ADGRF5: variants seen among roughly 807,000 people sequenced by gnomAD.
The protein encoded by ADGRF5 is G-protein coupled receptor 116.
Under a neutral mutation model 132.3 loss-of-function variants are expected in ADGRF5, and 75 were observed. The observed-to-expected ratio is 0.57, with a 90% CI of 0.47 to 0.69. ADGRF5 has a LOEUF of 0.69. Ranked by LOEUF, ADGRF5 falls within the 30% of genes least tolerant of loss-of-function variation. ADGRF5 has a pLI of 0.00. For synonymous variants in ADGRF5, 629 were observed against 597.6 expected, an observed-to-expected ratio of 1.05 and a Z score of -0.77; for missense variants, 1,516 against 1,630.6, an observed-to-expected ratio of 0.93 and a Z score of 1.21.
chr6:46,939,217 C>T (rs1324009125), intron 1 of ADGRF5, among the ~76,000 whole-genome samples: 1 of 152,176 alleles, frequency 6.6e-6, no homozygotes, highest in Non-Finnish European at 1.5e-5. Context: ...ATTGCTTGCT[C>T]CTTTAACTAG....
chr6:46,927,229 C>T (rs367757956), intron 1 of ADGRF5, among the ~76,000 whole-genome samples: 3 of 131,514 alleles, frequency 2.3e-5, no homozygotes, highest in African/African-American at 8.8e-5. Flanking sequence ...AACCACTAGA[C>T]AAATATGTAC....
chr6:46,913,876 C>T (rs1374678859), intron 1 of ADGRF5, among the ~76,000 whole-genome samples: 1 of 152,184 alleles, frequency 6.6e-6, no homozygotes, highest in Admixed American at 6.5e-5. Context: ...AATCATACCT[C>T]TTACTAAACC....
intron 8 of ADGRF5, among the ~76,000 whole-genome samples, chr6:46,880,787 T>A (rs184842263): frequency 5.0e-4 from 76 of 152,140 alleles, no homozygotes; most frequent in Admixed American, 1.8e-3. Context: ...CCTTATCATT[T>A]CACAAATAAA....
intron 1 of ADGRF5, among the ~76,000 whole-genome samples, chr6:46,913,748 G>A (rs541177947): frequency 2.6e-5 from 4 of 152,288 alleles, no homozygotes; most frequent in African/African-American, 9.6e-5. Context: ...GAAGTAGAAG[G>A]TGAAGGTTCT....
intron 1 of ADGRF5, among the ~76,000 whole-genome samples, chr6:46,949,195 GTTTCTGTTGAAAGGACTGCTGC>G (rs1252457426): frequency 6.6e-6 from 1 of 152,128 alleles, no homozygotes; most frequent in Non-Finnish European, 1.5e-5. Flanking sequence ...GCTTATAACT[GTTTCTGTTGAAAGGACTGCTGC>G]TTTCTTCCCC....
rs139079004 is a variant in ADGRF5, at chr6:46,939,604, G to A, written c.-25+15130C>T. ...CTGTTAATTTCAATTATTTTTAGTA[G>A]CTTCCTTTTGAACTCATTGTTTCAA... On this transcript the variant is annotated intron_variant, in intron 1 of 20. Transcript: ENST00000265417. Among the ~76,000 whole-genome samples, 1,101 of 152,100 alleles carry A rather than the reference G, an allele frequency of 7.2e-3. 10 individuals carry two copies. The highest frequency in any genetic ancestry group is 0.025 in the African/African-American group (1,039 of 41,490).
At position 46,895,894 on chromosome 6, in the gene ADGRF5, C is replaced by G. The variant is rs948918636; in HGVS notation, c.157+4135G>C. Among the ~76,000 whole-genome samples the G allele has an allele frequency of 2.6e-5, 4 of 152,006 alleles. No homozygotes were observed. In the East Asian group the frequency reaches 5.8e-4, roughly 22 times the overall value. On this transcript the variant is annotated intron_variant, in intron 3 of 20. Transcript: ENST00000283296. The stretch of plus-strand genomic sequence containing the variant: ...CTCCAAAACAAGCTTCTCCTTCCAA[C>G]TCTGGTCTCTACCTGTGACCTCCCC...
intron 1 of ADGRF5, among the ~76,000 whole-genome samples, chr6:46,914,334 T>C (rs1776240973): frequency 6.6e-6 from 1 of 152,230 alleles, no homozygotes; most frequent in African/African-American, 2.4e-5. Context: ...GTAAGACTTA[T>C]CTTTGCTGAC....
intron 1 of ADGRF5, among the ~76,000 whole-genome samples, chr6:46,919,312 T>C (rs1280820728): frequency 6.6e-6 from 1 of 152,254 alleles, no homozygotes; most frequent in Non-Finnish European, 1.5e-5. Flanking sequence ...ATTGTGCCAT[T>C]GAGGCAAATA....
Position 46,871,862 on chromosome 6 carries a change from T to C in ADGRF5, c.1392A>G (p.Lys464=). ...AYGARGSANI[K]VTFISVANLT... ...CCTTACCCACAGAGATGAATGTCAC[T>C]TTTATGTTTGCACTGCCTCTGGCTC... is the stretch of plus-strand genomic sequence containing the variant. The change falls in exon 11 of 21, where the codon AAA becomes AAG. Residue 464 remains lysine, a synonymous_variant. Coordinates refer to ENST00000283296, the MANE Select transcript of ADGRF5 (RefSeq NM_001098518.2). The C allele has an allele frequency of 6.2e-7, 1 of 1,602,264 alleles. No homozygotes were observed. Among genetic ancestry groups the C allele is most frequent in the South Asian group, 1.1e-5 (1 of 90,190 alleles).
At chr6:46,923,969 A>G (rs1472460134), upstream of ADGRF5, among the ~76,000 whole-genome samples, 1 of 152,220 alleles carries the variant, frequency 6.6e-6, no homozygotes, top group Non-Finnish European at 1.5e-5. Flanking sequence ...CGTAGAGAGA[A>G]TAATTTACCA....
intron 1 of ADGRF5, among the ~76,000 whole-genome samples, chr6:46,927,136 A>T (rs6925855): frequency 1.3e-5 from 2 of 152,092 alleles, no homozygotes; most frequent in Non-Finnish European, 2.9e-5. Flanking sequence ...CTCCCAAAAA[A>T]GTTTCCCTCA....
rs759555229 is a variant in ADGRF5, at chr6:46,879,894, C to A, written c.960G>T (p.Ser320=). The change falls in exon 9 of 21, where the codon TCG becomes TCT. Residue 320 remains serine, a synonymous_variant. Transcript: ENST00000283296. ...TGTTGTTGAAAAGTGCGGTGTAAATCGAGAATCTGCTGCTGTTCTGGATTT... is the reference window on the plus strand; with the variant it reads ...TGTTGTTGAAAAGTGCGGTGTAAATAGAGAATCTGCTGCTGTTCTGGATTT... ...QLEIQNSSRF[S]IYTALFNNMT... 15 of 1,613,986 alleles carry A rather than the reference C, an allele frequency of 9.3e-6. No individual in the cohort carries two copies. The highest frequency in any genetic ancestry group is 8.0e-5 in the African/African-American group (6 of 74,918).
chr6:46,952,993 G>C (rs1053634229), intron 1 of ADGRF5, among the ~76,000 whole-genome samples: 1 of 152,170 alleles, frequency 6.6e-6, no homozygotes, highest in Non-Finnish European at 1.5e-5. Context: ...CCCAGGCAGG[G>C]AGGACAGCAC....
chr6:46,924,006 A>T (rs1236922824), upstream of ADGRF5, among the ~76,000 whole-genome samples: 1 of 152,206 alleles, frequency 6.6e-6, no homozygotes, highest in African/African-American at 2.4e-5. Flanking sequence ...GTTAATATGA[A>T]ATGTCTCTCA....
At chr6:46,953,932 A>C (rs1174304738) in intron 1 of ADGRF5, among the ~76,000 whole-genome samples, 1 of 152,060 alleles carries the variant, frequency 6.6e-6, no homozygotes, top group Non-Finnish European at 1.5e-5. Flanking sequence ...TTGTGAAGAC[A>C]AAATGAAACA....
intron 10 of ADGRF5, 71 bp downstream of exon 10, chr6:46,878,131 C>T: frequency 1.1e-6 from 1 of 950,830 alleles, no homozygotes; most frequent in Non-Finnish European, 1.7e-6. Flanking sequence ...CTTCCATACG[C>T]CACATCTCCC....
In ADGRF5 at chr6:46,950,372, A is replaced by C. The variant is rs1396045784; in HGVS notation, c.-25+4362T>G. Among the ~76,000 whole-genome samples the C allele has an allele frequency of 3.9e-5, 6 of 152,268 alleles. No individual in the cohort carries two copies. The East Asian group carries it at 1.2e-3, about 29-fold the overall frequency. Reference sequence around the variant, plus strand: ...CACAGAGCAACCTTTAAATATTTAAAAGCAGCCCTCATGTGCTCAAGATGT... The same window carrying C: ...CACAGAGCAACCTTTAAATATTTAACAGCAGCCCTCATGTGCTCAAGATGT... On this transcript the variant is annotated intron_variant, in intron 1 of 20. Coordinates refer to the ADGRF5 transcript ENST00000265417.
chr6:46,884,448 C>T (rs1772837671), intron 4 of ADGRF5, among the ~76,000 whole-genome samples, 177 bp from the exon 5 acceptor site: 1 of 152,216 alleles, frequency 6.6e-6, no homozygotes, highest in Non-Finnish European at 1.5e-5. Context: ...CATCACCATG[C>T]TATTAGCCAT....
Sources: allele counts gnomAD v4.1 joint callset (sites outside exome capture counted in the v4.1 genomes callset), GRCh38; gene constraint gnomAD v4.1.1; transcripts MANE v1.5; gene names NCBI Gene and HGNC (gene_info 2026-07-23, HGNC 2026-07-21).